TIMM22: variants seen among roughly 807,000 people sequenced by gnomAD.
TIMM22 encodes the protein translocase of inner mitochondrial membrane 22, also known as mitochondrial import inner membrane translocase subunit Tim22.
A neutral mutation model predicts 18.3 loss-of-function variants in TIMM22; 12 were observed. The observed-to-expected ratio is 0.65, with a 90% CI of 0.42 to 1.06. The LOEUF is 1.06. Ranked by LOEUF, TIMM22 falls within the 50% of genes least tolerant of loss-of-function variation. TIMM22 has a pLI of 0.00. For synonymous variants in TIMM22, 107 were observed against 98.5 expected (o/e 1.09, Z -0.51); for missense variants, 278 against 252.8 (o/e 1.10, Z -0.68).
intron 3 of TIMM22, 79 bp from the exon 4 acceptor site, chr17:1,000,933 G>A (rs2150666314): frequency 7.1e-7 from 1 of 1,414,200 alleles, no homozygotes; most frequent in Non-Finnish European, 1.0e-6. Flanking sequence ...ATGACACTGA[G>A]GGTGTGCCAA....
intron 1 of TIMM22, among the ~76,000 whole-genome samples, chr17:998,273 G>T (rs1053200038): frequency 2.6e-5 from 4 of 152,174 alleles, no homozygotes; most frequent in African/African-American, 9.7e-5. Context: ...CAGCAGTGTG[G>T]GATTTGCCAT....
chr17:999,358 T>TATATATATATATATATATATATACACAC (rs1408779709), intron 2 of TIMM22, among the ~76,000 whole-genome samples, 154 bp from the exon 3 acceptor site: 1 of 132,588 alleles, frequency 7.5e-6, no homozygotes, highest in African/African-American at 3.2e-5. Context: ...TATATATATA[T>TATATATATATATATATATATATACACAC]ACACGCTGTA....
At chr17:997,514 G>T in intron 1 of TIMM22, 134 bp downstream of exon 1, 1 of 856,174 alleles carries the variant, frequency 1.2e-6, no homozygotes, top group South Asian at 1.8e-5. Flanking sequence ...CCTCGTTCGT[G>T]AATCGGGCGT....
At chr17:1,000,600 G>A (rs917824005) in intron 3 of TIMM22, among the ~76,000 whole-genome samples, 7 of 152,098 alleles carry the variant, frequency 4.6e-5, no homozygotes, top group Non-Finnish European at 7.4e-5. Context: ...TCCGCCGGTC[G>A]TCCCATTGTT....
chr17:998,788 T>C lies in TIMM22; in HGVS notation c.248T>C (p.Leu83Ser). The part of the protein sequence containing the change: ...AALACVGGFV[L>S]GGAFGVFTAG... Reference sequence around the variant, plus strand: ...CTGTGTTTGCTTCTAGGATTTGTCTTAGGAGGTGCATTTGGGGTGTTTACC... The same window carrying C: ...CTGTGTTTGCTTCTAGGATTTGTCTCAGGAGGTGCATTTGGGGTGTTTACC... Residue 83 changes from leucine to serine, a missense_variant, in exon 2 of 4, where the codon TTA becomes TCA. By Grantham distance (145) the Leu-to-Ser change is moderately radical. Coordinates refer to ENST00000327158, the MANE Select transcript of TIMM22 (RefSeq NM_013337.4). 1 of 1,613,426 alleles carries C rather than the reference T, an allele frequency of 6.2e-7. No individual in the cohort carries two copies. Among genetic ancestry groups the C allele is most frequent in the African/African-American group, 1.3e-5 (1 of 74,996 alleles).
Position 997,290 on chromosome 17 carries a change from A to G in TIMM22, c.148A>G (p.Ile50Val). 1 of 1,613,772 alleles carries G rather than the reference A, an allele frequency of 6.2e-7. No individual in the cohort carries two copies. The highest frequency in any genetic ancestry group is 1.7e-4 in the Middle Eastern group (1 of 6,058). ...CCTGGAGCCTGGGAGCCTGGGCGGG[A>G]TCCCAAGTCCAGCCAAGAGTGAGGA... Reference protein sequence around the residue: ...RLLEPGSLGGIPSPAKSEEQK... With the variant: ...RLLEPGSLGGVPSPAKSEEQK... Residue 50 changes from isoleucine (I) to valine (V), a missense_variant, in exon 1 of 4, where the codon ATC becomes GTC. Physicochemically the swap from Ile to Val is conservative, Grantham distance 29. Coordinates refer to ENST00000327158, the MANE Select transcript of TIMM22 (RefSeq NM_013337.4).
At chr17:997,448 A>C (rs1215387100) in intron 1 of TIMM22, 68 bp downstream of exon 1, 4 of 1,485,996 alleles carry the variant, frequency 2.7e-6, no homozygotes, top group Non-Finnish European at 3.7e-6. Flanking sequence ...TCTGCCGAGA[A>C]GACCACGCGC....
In TIMM22 at chr17:997,260, C is replaced by T; in HGVS notation, c.118C>T (p.Arg40Trp). The T allele has an allele frequency of 6.2e-7, 1 of 1,613,558 alleles. No homozygotes were observed. Among genetic ancestry groups the T allele is most frequent in the Non-Finnish European group, 8.5e-7 (1 of 1,179,930 alleles). ...CCTGGTGGGTGACAAGCGTCAGCCCCGGCTCCTGGAGCCTGGGAGCCTGGG... is the reference window on the plus strand; with the variant it reads ...CCTGGTGGGTGACAAGCGTCAGCCCTGGCTCCTGGAGCCTGGGAGCCTGGG... Reference protein sequence around the residue: ...QYLVGDKRQPRLLEPGSLGGI... With the variant: ...QYLVGDKRQPWLLEPGSLGGI... The change falls in exon 1 of 4, where the codon CGG (arginine) becomes TGG (tryptophan). Residue 40 changes from arginine to tryptophan, a missense_variant. Coordinates refer to ENST00000327158, the MANE Select transcript of TIMM22 (RefSeq NM_013337.4).
chr17:999,043 G>C, intron 2 of TIMM22, 68 bp downstream of exon 2: 9 of 1,498,518 alleles, frequency 6.0e-6, no homozygotes, highest in Non-Finnish European at 8.1e-6. Flanking sequence ...AAGAGAAATT[G>C]CTCTTTAAAA....
chr17:997,738 A>T (rs956049033), intron 1 of TIMM22, among the ~76,000 whole-genome samples: 1 of 152,198 alleles, frequency 6.6e-6, no homozygotes, highest in East Asian at 1.9e-4. Context: ...GCTTGAACCC[A>T]GGAGGCGGAG....
At chr17:998,479 T>G (rs552766918) in intron 1 of TIMM22, among the ~76,000 whole-genome samples, 36 of 152,258 alleles carry the variant, frequency 2.4e-4, no homozygotes, top group African/African-American at 7.5e-4. Flanking sequence ...AGTTGATAGC[T>G]GAAGTTGAGG....
rs538826887 is a variant in TIMM22 at position 997,915 on chromosome 17, A to G, written c.238+535A>G. Among the ~76,000 whole-genome samples, 406 of 152,354 alleles carry G rather than the reference A, an allele frequency of 2.7e-3. 2 individuals are homozygous for G. The highest frequency in any genetic ancestry group is 6.8e-3 in the Middle Eastern group (2 of 294). On this transcript the variant is annotated intron_variant, in intron 1 of 3. Transcript: ENST00000327158. Reference sequence around the variant, plus strand: ...TCTTTCAACAAATTGTTCCTAAGCAATATCACGTGCCAGGTGAAAGAGACA... The same window carrying G: ...TCTTTCAACAAATTGTTCCTAAGCAGTATCACGTGCCAGGTGAAAGAGACA...
rs1317580794 is a variant in TIMM22, at chr17:997,132, C to G, written c.-11C>G. ...GAGAAGGACGCGAGGGTTGCTTGGG[C>G]AGCGACTGTCATGGCGGCGGCCGCC... On this transcript the variant is annotated 5_prime_UTR_variant, in exon 1 of 4. Coordinates refer to ENST00000327158, the MANE Select transcript of TIMM22 (RefSeq NM_013337.4). The G allele has an allele frequency of 1.2e-6, 2 of 1,607,316 alleles. No individual in the cohort carries two copies. The highest frequency in any genetic ancestry group is 3.3e-5 in the Admixed American group (2 of 59,822).
Position 997,262 on chromosome 17 carries a change from G to A in TIMM22, c.120G>A (p.Arg40=). Residue 40 remains arginine, a synonymous_variant, in exon 1 of 4, where the codon CGG becomes CGA. Transcript: ENST00000327158. The stretch of plus-strand genomic sequence containing the variant: ...TGGTGGGTGACAAGCGTCAGCCCCG[G>A]CTCCTGGAGCCTGGGAGCCTGGGCG... ...QYLVGDKRQP[R]LLEPGSLGGI... 6.2e-7 allele frequency: 1 copy of A among 1,613,650 alleles called. No homozygotes were observed.
chr17:997,257 C>G lies in TIMM22; in HGVS notation c.115C>G (p.Pro39Ala). ...LQYLVGDKRQ[P>A]RLLEPGSLGG... ...GTACCTGGTGGGTGACAAGCGTCAG[C>G]CCCGGCTCCTGGAGCCTGGGAGCCT... Residue 39 changes from proline (P) to alanine (A), a missense_variant, in exon 1 of 4, where the codon CCC becomes GCC. Coordinates refer to ENST00000327158, the MANE Select transcript of TIMM22 (RefSeq NM_013337.4). The G allele has an allele frequency of 6.2e-7, 1 of 1,613,560 alleles. No homozygotes were observed. Among genetic ancestry groups the G allele is most frequent in the Non-Finnish European group, 8.5e-7 (1 of 1,179,944 alleles).
chr17:1,002,863 A>G lies in TIMM22; in HGVS notation c.*1775A>G, dbSNP rs1445115185. The G allele has an allele frequency of 6.6e-6, 1 of 152,152 alleles. No individual in the cohort carries two copies. The highest frequency in any genetic ancestry group is 2.4e-5 in the African/African-American group (1 of 41,432). The allele number at this position is 152,152 out of a possible 1,614,324, so 9.4% of individuals were successfully genotyped here. On this transcript the variant is annotated 3_prime_UTR_variant, in exon 4 of 4. Transcript: ENST00000327158. ...ATGAGCGCCAGGGCTGTCAGTACCC[A>G]TCGGTTCAGTAAGCGAGGCATTGTC...
rs1045943251 is a variant in TIMM22, at chr17:1,002,405, CCA to C, written c.*1323_*1324del. On this transcript the variant is annotated 3_prime_UTR_variant, in exon 4 of 4. Transcript: ENST00000327158. ...TTCCTCATCTGCCCTGTCTTCTGGC[CCA>C]CACACTCTTAACCAGCGTTCACACT... is the stretch of plus-strand genomic sequence containing the variant. 12 of 152,218 alleles carry C rather than the reference CCA, an allele frequency of 7.9e-5. No homozygotes were observed. The highest frequency in any genetic ancestry group is 2.7e-4 in the African/African-American group (11 of 41,408). 9.4% of individuals were successfully genotyped at this position (152,218 alleles called of 1,614,324 possible).
chr17:997,873 T>G (rs2069700083), intron 1 of TIMM22, among the ~76,000 whole-genome samples: 1 of 152,204 alleles, frequency 6.6e-6, no homozygotes, highest in African/African-American at 2.4e-5. Context: ...TCCCTTAAAT[T>G]CATTCTCTTA....
At chr17:999,323 CTATATATATATA>C (rs57081954) in intron 2 of TIMM22, among the ~76,000 whole-genome samples, 177 bp from the exon 3 acceptor site, 8,267 of 120,526 alleles carry the variant, frequency 0.069, 519 homozygotes, top group East Asian at 0.19. Flanking sequence ...TGAACGCATA[CTATATATATATA>C]TATATATATA....
Sources: allele counts gnomAD v4.1 joint callset (sites outside exome capture counted in the v4.1 genomes callset), GRCh38; gene constraint gnomAD v4.1.1; transcripts MANE v1.5; gene names NCBI Gene and HGNC (gene_info 2026-07-23, HGNC 2026-07-21).